CYFIP1: variants seen among roughly 807,000 people sequenced by gnomAD.
CYFIP1 encodes the protein cytoplasmic FMR1 interacting protein 1.
In CYFIP1, 58 loss-of-function variants were observed where a neutral mutation model predicts 163.5. The ratio of observed to expected loss-of-function variants is 0.35; its 90% confidence interval spans 0.29 to 0.44. The LOEUF (loss-of-function observed/expected upper bound fraction) is 0.44. Ranked by LOEUF, CYFIP1 falls within the 20% of genes least tolerant of loss-of-function variation. CYFIP1 has a pLI of 1.00. For synonymous variants in CYFIP1, 663 were observed against 660.7 expected, an observed-to-expected ratio of 1.00 and a Z score of -0.05; for missense variants, 1,338 against 1,653.8, an observed-to-expected ratio of 0.81 and a Z score of 3.31.
chr15:22,922,956 C>T (rs1333635050), intron 13 of CYFIP1, among the ~76,000 whole-genome samples: 3 of 151,270 alleles, frequency 2.0e-5, no homozygotes, highest in Admixed American at 2.0e-4. Flanking sequence ...CATGCCACTG[C>T]ACTCCAGCCT....
chr15:22,879,047 A>G (rs2059670332), intron 26 of CYFIP1, among the ~76,000 whole-genome samples: 1 of 151,914 alleles, frequency 6.6e-6, no homozygotes, highest in South Asian at 2.1e-4. Flanking sequence ...GAGGCAGGAG[A>G]ATGGCGTGAA....
chr15:22,873,222 A>AT (rs1566909950), intron 29 of CYFIP1, among the ~76,000 whole-genome samples: 5 of 152,084 alleles, frequency 3.3e-5, no homozygotes, highest in Non-Finnish European at 7.4e-5. Context: ...CTCTGTGATG[A>AT]ATGACTCTAT....
intron 5 of CYFIP1, among the ~76,000 whole-genome samples, chr15:22,944,238 C>CA (rs34662161): frequency 0.13 from 12,659 of 94,308 alleles, 846 homozygotes; most frequent in Non-Finnish European, 0.15. Context: ...GACTCTGTCT[C>CA]AAAAAAAAAA....
At position 22,960,092 on chromosome 15, in the gene CYFIP1, C is replaced by T. The variant is rs968958229; in HGVS notation, c.-6-12801G>A. 3.9e-5 allele frequency among the ~76,000 whole-genome samples: 6 copies of T among 152,164 alleles called. No individual in the cohort carries two copies. The South Asian group carries it at 6.2e-4, about 16-fold the overall frequency. ...CCCCTACTGCGCCTGGCCTGTGGGCCGAGTGTCTCCCGGGCTCCACCACTG... is the reference window on the plus strand; with the variant it reads ...CCCCTACTGCGCCTGGCCTGTGGGCTGAGTGTCTCCCGGGCTCCACCACTG... On this transcript the variant is annotated intron_variant, in intron 1 of 30. Transcript: ENST00000617928.
intron 1 of CYFIP1, among the ~76,000 whole-genome samples, chr15:22,956,328 C>A (rs2062452190): frequency 6.6e-6 from 1 of 152,070 alleles, no homozygotes; most frequent in South Asian, 2.1e-4. Flanking sequence ...TAGGTCATAA[C>A]CCTGAGTCCT....
At chr15:22,898,626 C>A (rs2060304009) in intron 22 of CYFIP1, among the ~76,000 whole-genome samples, 1 of 152,010 alleles carries the variant, frequency 6.6e-6, no homozygotes, top group Non-Finnish European at 1.5e-5. Flanking sequence ...CCTAGACCTC[C>A]CCAGGCTCAA....
At chr15:22,960,315 G>A (rs2062632123) in intron 1 of CYFIP1, among the ~76,000 whole-genome samples, 1 of 152,224 alleles carries the variant, frequency 6.6e-6, no homozygotes, top group Non-Finnish European at 1.5e-5. Context: ...ACACCTCACA[G>A]GTCCCACGCA....
intron 1 of CYFIP1, among the ~76,000 whole-genome samples, chr15:22,979,995 G>GGGAGCTCGGGGCCGA (rs1264087176): frequency 6.6e-6 from 1 of 152,076 alleles, no homozygotes; most frequent in Non-Finnish European, 1.5e-5. Context: ...CGCGGGGGCG[G>GGGAGCTCGGGGCCGA]GGAGCTCGGG....
At chr15:22,910,957 T>G in intron 18 of CYFIP1, 144 bp from the exon 19 acceptor site, 1 of 712,608 alleles carries the variant, frequency 1.4e-6, no homozygotes, top group East Asian at 2.6e-5. Flanking sequence ...TTGCCCAGGC[T>G]GGAGCGCAGT....
intron 29 of CYFIP1, 143 bp downstream of exon 29, chr15:22,873,348 C>T (rs2059489873): frequency 2.9e-6 from 2 of 679,350 alleles, no homozygotes; most frequent in Non-Finnish European, 5.0e-6. Flanking sequence ...AGAATCCCCA[C>T]TACAGGAGGC....
chr15:22,950,662 T>TA (rs1474775100), intron 1 of CYFIP1, among the ~76,000 whole-genome samples: 1 of 152,248 alleles, frequency 6.6e-6, no homozygotes. Context: ...AGTAGGATGA[T>TA]AAACTCTCAG....
chr15:22,875,399 C>G (rs2059554842), intron 26 of CYFIP1, 128 bp from the exon 27 acceptor site: 2 of 816,462 alleles, frequency 2.4e-6, no homozygotes, highest in African/African-American at 1.7e-5. Context: ...TTATCTCTGT[C>G]AAGAGATTTC....
At chr15:22,910,250 T>G (rs946952794) in intron 20 of CYFIP1, among the ~76,000 whole-genome samples, 5 of 152,150 alleles carry the variant, frequency 3.3e-5, no homozygotes, top group Non-Finnish European at 5.9e-5. Flanking sequence ...AAGCTCCACT[T>G]CCCAGGTTCA....
chr15:22,875,439 T>C, intron 26 of CYFIP1, 168 bp from the exon 27 acceptor site: 1 of 672,496 alleles, frequency 1.5e-6, no homozygotes, highest in Admixed American at 2.3e-5. Flanking sequence ...CCGTCTGTCC[T>C]GTCCATTCCG....
At chr15:22,909,655 T>A (rs2060714395) in intron 20 of CYFIP1, among the ~76,000 whole-genome samples, 1 of 151,988 alleles carries the variant, frequency 6.6e-6, no homozygotes, top group Non-Finnish European at 1.5e-5. Context: ...TTAAATGCAA[T>A]TTTTTTTAGT....
Position 22,888,746 on chromosome 15 carries a change from A to AC in CYFIP1, c.2676+4143_2676+4144insG, listed in dbSNP as rs35408156. 4.0e-5 allele frequency among the ~76,000 whole-genome samples: 6 copies of AC among 150,814 alleles called. No individual in the cohort carries two copies. The East Asian group carries it at 1.2e-3, about 29-fold the overall frequency. ...AAAACCCTGTCTCAAAAAAAAAAAAAATTACTGGTTTATGGCCAGGCACAG... is the reference window on the plus strand; with the variant it reads ...AAAACCCTGTCTCAAAAAAAAAAAAACATTACTGGTTTATGGCCAGGCACAG... On this transcript the variant is annotated intron_variant, in intron 23 of 30. Transcript: ENST00000617928.
chr15:22,969,123 G>A (rs1409677788), intron 1 of CYFIP1, among the ~76,000 whole-genome samples: 2 of 152,150 alleles, frequency 1.3e-5, no homozygotes, highest in Non-Finnish European at 2.9e-5. Flanking sequence ...CTTTCAGAGT[G>A]TTTTGGGCTT....
At chr15:22,936,233 G>A (rs1271382346) in intron 9 of CYFIP1, among the ~76,000 whole-genome samples, 2 of 152,114 alleles carry the variant, frequency 1.3e-5, no homozygotes, top group East Asian at 3.9e-4. Context: ...GCGAGGGCCT[G>A]TCTCAAAAAC....
In CYFIP1 at chr15:22,873,497, G is replaced by A; in HGVS notation, c.3443C>T (p.Thr1148Ile). ...YCIPVGTHEF[T>I]VEQCFGDGLH... ...GCTCTCAGCACACACTTACTCGACT[G>A]TGAACTCGTGTGTCCCCACGGGAAT... Residue 1148 changes from threonine (T) to isoleucine (I), a missense_variant, in exon 29 of 31, where the codon ACA becomes ATA. By Grantham distance (89) the Thr-to-Ile change is moderately conservative. Around this residue, in one of 4 missense-constraint regions of CYFIP1, gnomAD observed 306 missense variants for 322.1 expected, o/e 0.95. Transcript: ENST00000617928. The A allele has an allele frequency of 6.2e-7, 1 of 1,612,518 alleles. No individual in the cohort carries two copies. The highest frequency in any genetic ancestry group is 8.5e-7 in the Non-Finnish European group (1 of 1,178,634).
Sources: gnomAD v4.1 joint callset for allele counts (sites outside exome capture counted in the v4.1 genomes callset) on GRCh38, gnomAD v4.1.1 for gene constraint, gnomAD v4.1.1 regional missense constraint, MANE v1.5 for transcripts, NCBI Gene and HGNC (gene_info 2026-07-23, HGNC 2026-07-21) for gene names.